Variants in OSBPL1A observed in about 807,000 individuals in gnomAD.
The protein encoded by OSBPL1A is oxysterol binding protein like 1A, also known as oxysterol-binding protein-related protein 1.
A neutral mutation model predicts 137.1 loss-of-function variants in OSBPL1A; 80 were observed. The observed-to-expected ratio is 0.58, with a 90% CI of 0.49 to 0.70. OSBPL1A has a LOEUF of 0.70. Among genes scored for constraint, OSBPL1A ranks in the 30% least tolerant of loss-of-function variants. OSBPL1A has a pLI of 0.00. For missense variants in OSBPL1A, 970 were observed against 1,129.4 expected (o/e 0.86, Z 2.02); for synonymous variants, 365 against 389.7 (o/e 0.94, Z 0.75).
intron 1 of OSBPL1A, among the ~76,000 whole-genome samples, chr18:24,379,230 T>C (rs1906408134): frequency 6.6e-6 from 1 of 152,066 alleles, no homozygotes; most frequent in Non-Finnish European, 1.5e-5. Context: ...AGATAAAAGA[T>C]GAATGTTGGC....
chr18:24,320,749 C>T lies in OSBPL1A; in HGVS notation c.626-1940G>A, dbSNP rs11083060. Reference sequence around the variant, plus strand: ...AGTGTTAAAAAATTATAATATAGGCCGGGTGCAGTGACGCATGCCTGTAAT... The same window carrying T: ...AGTGTTAAAAAATTATAATATAGGCTGGGTGCAGTGACGCATGCCTGTAAT... On this transcript the variant is annotated intron_variant, in intron 7 of 27. Transcript: ENST00000319481. Among the ~76,000 whole-genome samples, 11 of 151,888 alleles carry T rather than the reference C, an allele frequency of 7.2e-5. No individual in the cohort carries two copies. In the East Asian group the frequency reaches 1.5e-3, roughly 21 times the overall value.
chr18:24,232,028 C>T (rs906616141), intron 16 of OSBPL1A, among the ~76,000 whole-genome samples: 13 of 152,174 alleles, frequency 8.5e-5, no homozygotes, highest in African/African-American at 2.4e-4. Context: ...AGCCAGGAAA[C>T]GCACACATGC....
intron 15 of OSBPL1A, among the ~76,000 whole-genome samples, chr18:24,269,933 T>A (rs2089677922): frequency 6.7e-6 from 1 of 149,182 alleles, no homozygotes; most frequent in African/African-American, 2.5e-5. Flanking sequence ...TCCCCAAAAG[T>A]TATCACAATG....
intron 15 of OSBPL1A, chr18:24,272,091 G>A (rs1313693464): frequency 3.1e-6 from 3 of 982,700 alleles, no homozygotes; most frequent in Admixed American, 1.2e-4. Context: ...GCGCAGGTAG[G>A]GACCGCCGGG....
At position 24,224,099 on chromosome 18, in the gene OSBPL1A, AGTTG is replaced by A. The variant is rs200387905; in HGVS notation, c.1601+939_1601+942del. On this transcript the variant is annotated intron_variant, in intron 17 of 27. Transcript: ENST00000319481. The stretch of plus-strand genomic sequence containing the variant: ...CAACAGAAGAAAACTGTTTTTATCT[AGTTG>A]GTTACCTAAAACTCACTAATCTTTT... Among the ~76,000 whole-genome samples the A allele has an allele frequency of 3.8e-3, 582 of 152,314 alleles. 5 individuals are homozygous for A. The highest frequency in any genetic ancestry group is 0.013 in the African/African-American group (551 of 41,580).
In OSBPL1A at chr18:24,377,430, G is replaced by A; in HGVS notation, c.104C>T (p.Ala35Val). The change falls in exon 2 of 28, where the codon GCT becomes GTT. Residue 35 changes from alanine (A) to valine (V), a missense_variant. Physicochemically the swap from Ala to Val is moderately conservative, Grantham distance 64 (BLOSUM62 0). This residue lies in a region of OSBPL1A where 647 missense variants were observed against 672.6 expected (regional missense o/e 0.96). Transcript: ENST00000319481. ...LETMARNEVI[A>V]DINCKGRSKS... ...AAGTTTACCTTTGCAATTAATGTCA[G>A]CAATCACTTCATTCCTCGCCATGGT... The A allele has an allele frequency of 6.2e-7, 1 of 1,608,286 alleles. No homozygotes were observed. The highest frequency in any genetic ancestry group is 8.5e-7 in the Non-Finnish European group (1 of 1,178,712).
At chr18:24,374,833 G>A (rs1021297091) in intron 2 of OSBPL1A, among the ~76,000 whole-genome samples, 6 of 152,030 alleles carry the variant, frequency 3.9e-5, no homozygotes, top group Admixed American at 1.3e-4. Flanking sequence ...TGAGTTTCAC[G>A]TCAGCTTCCA....
intron 1 of OSBPL1A, among the ~76,000 whole-genome samples, chr18:24,387,901 G>A (rs1907050054): frequency 6.6e-6 from 1 of 151,972 alleles, no homozygotes; most frequent in Non-Finnish European, 1.5e-5. Context: ...CAGTTTCCCT[G>A]TTGCCACCAG....
Position 24,165,135 on chromosome 18 carries a change from T to G in OSBPL1A, c.2680A>C (p.Lys894Gln). 1 of 1,614,160 alleles carries G rather than the reference T, an allele frequency of 6.2e-7. No individual in the cohort carries two copies. The highest frequency in any genetic ancestry group is 2.2e-5 in the East Asian group (1 of 44,886). The change falls in exon 27 of 28, where the codon AAA becomes CAA. Residue 894 changes from lysine to glutamine, a missense_variant. Lys to Gln is a moderately conservative substitution (Grantham distance 53). Transcript: ENST00000319481. The stretch of plus-strand genomic sequence containing the variant: ...GCTCTTTGTTTTTCCTCAAGTCGTT[T>G]TTTTTCTTCACTAGCTTGATCTAAA... ...GEIDQASEEK[K>Q]RLEEKQRAAR...
At chr18:24,186,358 C>G (rs1192410966) in intron 18 of OSBPL1A, among the ~76,000 whole-genome samples, 2 of 151,970 alleles carry the variant, frequency 1.3e-5, no homozygotes, top group Non-Finnish European at 2.9e-5. Flanking sequence ...TTTCCTCATT[C>G]TAAATAAATA....
At chr18:24,222,894 G>T (rs1181184378) in intron 17 of OSBPL1A, among the ~76,000 whole-genome samples, 2 of 152,012 alleles carry the variant, frequency 1.3e-5, no homozygotes, top group Admixed American at 6.6e-5. Context: ...ACTACTGGTG[G>T]TATGGGGTGA....
chr18:24,292,857 G>A (rs1257948390), intron 14 of OSBPL1A, among the ~76,000 whole-genome samples: 1 of 152,122 alleles, frequency 6.6e-6, no homozygotes, highest in Non-Finnish European at 1.5e-5. Flanking sequence ...TGTAATCCCA[G>A]CACTTTGGGA....
chr18:24,193,214 C>T (rs1047172288), intron 18 of OSBPL1A, among the ~76,000 whole-genome samples: 3 of 152,052 alleles, frequency 2.0e-5, no homozygotes, highest in East Asian at 1.9e-4. Context: ...AGGCTGGGCG[C>T]GGTGGCTCAT....
At chr18:24,238,314 A>G (rs2088563774) in intron 16 of OSBPL1A, among the ~76,000 whole-genome samples, 1 of 151,758 alleles carries the variant, frequency 6.6e-6, no homozygotes, top group Non-Finnish European at 1.5e-5. Context: ...TTTCTCCCAT[A>G]CAACAATTAA....
intron 27 of OSBPL1A, 133 bp downstream of exon 27, chr18:24,164,932 G>A: frequency 1.2e-6 from 1 of 840,124 alleles, no homozygotes; most frequent in Non-Finnish European, 1.9e-6. Context: ...TTTTTTTCAG[G>A]CCTGGGACAA....
intron 5 of OSBPL1A, among the ~76,000 whole-genome samples, chr18:24,335,440 G>A (rs1294289343): frequency 6.6e-6 from 1 of 152,116 alleles, no homozygotes; most frequent in African/African-American, 2.4e-5. Flanking sequence ...TTATCACTAC[G>A]CTTCCTCTGA....
At chr18:24,205,317 T>C (rs1008753839) in intron 17 of OSBPL1A, among the ~76,000 whole-genome samples, 6 of 152,212 alleles carry the variant, frequency 3.9e-5, no homozygotes, top group Non-Finnish European at 8.8e-5. Flanking sequence ...ATGGCCGTGG[T>C]GGAGTTCCCA....
intron 4 of OSBPL1A, among the ~76,000 whole-genome samples, chr18:24,363,708 C>A (rs560637053): frequency 6.6e-6 from 1 of 152,106 alleles, no homozygotes; most frequent in African/African-American, 2.4e-5. Context: ...GTGGTGAAAT[C>A]ATGGCTCACT....
intron 18 of OSBPL1A, among the ~76,000 whole-genome samples, chr18:24,184,548 T>C (rs1221219865): frequency 6.6e-6 from 1 of 152,202 alleles, no homozygotes; most frequent in Non-Finnish European, 1.5e-5. Context: ...TTTCCTACTC[T>C]TTCCAACTGC....
Sources: allele counts gnomAD v4.1 joint callset (sites outside exome capture counted in the v4.1 genomes callset), GRCh38; gene constraint gnomAD v4.1.1; regional missense constraint gnomAD v4.1.1; transcripts MANE v1.5; gene names NCBI Gene and HGNC (gene_info 2026-07-23, HGNC 2026-07-21).